The following STX8 variants were observed in gnomAD, a reference collection of about 807,000 sequenced individuals.
STX8 encodes the protein syntaxin 8, also known as syntaxin-8.
Under a neutral mutation model 37.5 loss-of-function variants are expected in STX8, and 23 were observed. The ratio of observed to expected loss-of-function variants is 0.61; its 90% CI spans 0.44 to 0.87. STX8 has a LOEUF of 0.87. Ranked by LOEUF, STX8 falls within the 40% of genes least tolerant of loss-of-function variation. The probability of loss-of-function intolerance (pLI) is 0.00; values close to 1 mark genes in which losing one functional copy is unlikely to be tolerated. For missense variants in STX8, 313 were observed against 284.7 expected (o/e 1.10, Z -0.71); for synonymous variants, 115 against 99.1 (o/e 1.16, Z -0.95).
Position 9,276,958 on chromosome 17 carries a change from C to T in STX8, c.644-26313G>A, listed in dbSNP as rs184498929. 4.5e-3 allele frequency among the ~76,000 whole-genome samples: 652 copies of T among 146,466 alleles called. 5 individuals are homozygous for T. The highest frequency in any genetic ancestry group is 0.016 in the African/African-American group (609 of 39,288). On this transcript the variant is annotated intron_variant, in intron 7 of 7. Coordinates refer to ENST00000306357, the MANE Select transcript of STX8 (RefSeq NM_004853.3). ...GCCACCTTTTCTTTTTTTAAAGAGA[C>T]GAGATCTTGCTATGTTGCCCAGGCT...
chr17:9,480,794 A>G (rs1454726984), intron 6 of STX8, among the ~76,000 whole-genome samples: 3 of 152,210 alleles, frequency 2.0e-5, no homozygotes, highest in African/African-American at 4.8e-5. Context: ...AGCCACGTAG[A>G]GAAAACCCTT....
intron 7 of STX8, among the ~76,000 whole-genome samples, chr17:9,280,905 G>C (rs1277213536): frequency 1.3e-5 from 2 of 152,212 alleles, no homozygotes; most frequent in South Asian, 4.1e-4. Flanking sequence ...TGGAGGCACA[G>C]TAGGGCACAC....
chr17:9,403,402 C>T (rs74943641), intron 6 of STX8, among the ~76,000 whole-genome samples: 4,759 of 152,280 alleles, frequency 0.031, 131 homozygotes, highest in Non-Finnish European at 0.05. Flanking sequence ...ACAATAAACA[C>T]TGATTCAACA....
intron 3 of STX8, 176 bp downstream of exon 3, chr17:9,557,258 C>G (rs781249959): frequency 8.9e-6 from 5 of 564,124 alleles, no homozygotes; most frequent in Admixed American, 3.0e-5. Flanking sequence ...AGCATATTCA[C>G]TGTAAAACAT....
At chr17:9,366,739 T>C (rs1243113008) in intron 7 of STX8, among the ~76,000 whole-genome samples, 1 of 152,196 alleles carries the variant, frequency 6.6e-6, no homozygotes, top group Non-Finnish European at 1.5e-5. Context: ...CACATTGCTC[T>C]GAGTCTGCTG....
chr17:9,391,594 G>A (rs1912221106), intron 6 of STX8, among the ~76,000 whole-genome samples: 1 of 151,354 alleles, frequency 6.6e-6, no homozygotes, highest in Non-Finnish European at 1.5e-5. Flanking sequence ...TAAATGAAGG[G>A]TGACCAGATA....
At chr17:9,338,740 C>T (rs929869481) in intron 7 of STX8, among the ~76,000 whole-genome samples, 5 of 152,136 alleles carry the variant, frequency 3.3e-5, no homozygotes, top group East Asian at 1.9e-4. Flanking sequence ...CCCCCTGAAT[C>T]GGTATCTCTG....
At chr17:9,451,346 G>A (rs758000663) in intron 6 of STX8, among the ~76,000 whole-genome samples, 2 of 151,958 alleles carry the variant, frequency 1.3e-5, no homozygotes, top group African/African-American at 2.4e-5. Flanking sequence ...TGTGATCTAC[G>A]GCGACAGACA....
intron 7 of STX8, among the ~76,000 whole-genome samples, chr17:9,304,546 AAGAAAAC>A (rs1908902424): frequency 6.6e-6 from 1 of 151,790 alleles, no homozygotes; most frequent in Middle Eastern, 3.4e-3. Context: ...AGAAAGAAAA[AAGAAAAC>A]GAAAAATACA....
chr17:9,364,985 T>C (rs918542163), intron 7 of STX8, among the ~76,000 whole-genome samples: 1 of 140,694 alleles, frequency 7.1e-6, no homozygotes, highest in Admixed American at 6.9e-5. Context: ...GAGCCAGAAA[T>C]AGGATGAGGA....
intron 6 of STX8, among the ~76,000 whole-genome samples, chr17:9,385,261 G>C (rs1000003369): frequency 6.6e-6 from 1 of 152,140 alleles, no homozygotes; most frequent in East Asian, 1.9e-4. Context: ...ATTGAACACA[G>C]TTCTGTTTAT....
intron 6 of STX8, among the ~76,000 whole-genome samples, chr17:9,403,640 CTTTTTT>C (rs58822740): frequency 6.8e-6 from 1 of 147,478 alleles, no homozygotes; most frequent in South Asian, 2.2e-4. Flanking sequence ...TTGAACATCA[CTTTTTT>C]TTTTTTATTT....
intron 6 of STX8, among the ~76,000 whole-genome samples, chr17:9,393,167 C>T (rs1421416647): frequency 6.6e-6 from 1 of 152,066 alleles, no homozygotes; most frequent in African/African-American, 2.4e-5. Flanking sequence ...GATTTCTCAT[C>T]AAAAATCAGA....
chr17:9,342,261 C>T (rs888853788), intron 7 of STX8, among the ~76,000 whole-genome samples: 6 of 152,132 alleles, frequency 3.9e-5, no homozygotes, highest in Non-Finnish European at 5.9e-5. Context: ...TGCTGCTGTG[C>T]GGCCCAGTTC....
At chr17:9,313,122 C>T (rs539343903) in intron 7 of STX8, among the ~76,000 whole-genome samples, 5 of 151,654 alleles carry the variant, frequency 3.3e-5, no homozygotes, top group African/African-American at 4.8e-5. Context: ...ATCTGGGAGG[C>T]GGAGGTTATG....
chr17:9,566,295 C>T (rs1597747931), intron 2 of STX8, among the ~76,000 whole-genome samples: 1 of 152,244 alleles, frequency 6.6e-6, no homozygotes, highest in East Asian at 1.9e-4. Flanking sequence ...ACTAAAAAGT[C>T]AAAAAATAAC....
chr17:9,340,307 T>C (rs1910303405), intron 7 of STX8, among the ~76,000 whole-genome samples: 1 of 152,236 alleles, frequency 6.6e-6, no homozygotes, highest in African/African-American at 2.4e-5. Flanking sequence ...GAGCAATTAA[T>C]AGCCCTCTCA....
intron 4 of STX8, among the ~76,000 whole-genome samples, chr17:9,511,381 CA>C (rs1432765022): frequency 2.6e-5 from 4 of 151,992 alleles, no homozygotes; most frequent in Non-Finnish European, 4.4e-5. Flanking sequence ...TGAAATCCAA[CA>C]ATACATCAAA....
intron 7 of STX8, among the ~76,000 whole-genome samples, chr17:9,308,721 CAAAAAAAA>C (rs1171647976): frequency 2.2e-4 from 16 of 71,374 alleles, no homozygotes; most frequent in African/African-American, 6.3e-4. Context: ...GAAACTCCGT[CAAAAAAAA>C]AAAAAAAAAA....
Sources: allele counts gnomAD v4.1 joint callset (sites outside exome capture counted in the v4.1 genomes callset), GRCh38; gene constraint gnomAD v4.1.1; transcripts MANE v1.5; gene names NCBI Gene and HGNC (gene_info 2026-07-23, HGNC 2026-07-21).